TESK2: variants seen among roughly 807,000 people sequenced by gnomAD.
TESK2 encodes dual specificity testis-specific protein kinase 2.
A neutral mutation model predicts 57.1 loss-of-function variants in TESK2; 39 were observed. The observed-to-expected ratio is 0.68, with a 90% confidence interval of 0.53 to 0.89. The LOEUF is 0.89. TESK2 is among the 40% of genes least tolerant of loss of function. TESK2 has a pLI of 0.00. For missense variants in TESK2, 646 were observed against 732.1 expected (o/e 0.88, Z 1.36); for synonymous variants, 249 against 267.9 (o/e 0.93, Z 0.69).
chr1:45,479,424 G>GA (rs950827635), intron 1 of TESK2, among the ~76,000 whole-genome samples: 100 of 149,858 alleles, frequency 6.7e-4, no homozygotes, highest in African/African-American at 2.2e-3. Context: ...ACTGCAGAAA[G>GA]AAAAAAAAAA....
intron 2 of TESK2, among the ~76,000 whole-genome samples, chr1:45,452,787 C>T (rs1210117724): frequency 6.6e-6 from 1 of 151,788 alleles, no homozygotes; most frequent in Non-Finnish European, 1.5e-5. Flanking sequence ...TGCAGTGGCT[C>T]ATGCCTATAA....
At chr1:45,358,468 A>C (rs1647538100) in intron 4 of TESK2, among the ~76,000 whole-genome samples, 1 of 152,074 alleles carries the variant, frequency 6.6e-6, no homozygotes, top group Non-Finnish European at 1.5e-5. Flanking sequence ...ACAGAGAGAG[A>C]CCCAGTCTCA....
chr1:45,473,287 G>A (rs543615356), intron 1 of TESK2, among the ~76,000 whole-genome samples: 147 of 152,140 alleles, frequency 9.7e-4, no homozygotes, highest in Non-Finnish European at 1.7e-3. Context: ...AAGCAGGTAA[G>A]TGGTCAAGGG....
rs576007095 is a variant in TESK2 at position 45,347,926 on chromosome 1, G to T, written c.615C>A (p.Pro205=). The change falls in exon 6 of 11, where the codon CCC becomes CCA. Residue 205 remains proline (P), a synonymous_variant. Coordinates refer to ENST00000372086, the MANE Select transcript of TESK2 (RefSeq NM_007170.3). The stretch of plus-strand genomic sequence containing the variant: ...CCAGTAGGGCTACACACCTGACATC[G>T]GGGATCTTCTCAGCCAGGCCAAAGT... ...VADFGLAEKI[P]DVSMGSEKLA... is the part of the protein sequence containing the mutation. 4 of 1,612,126 alleles carry T rather than the reference G, an allele frequency of 2.5e-6. No homozygotes were observed. Among genetic ancestry groups the T allele is most frequent in the Non-Finnish European group, 3.4e-6 (4 of 1,178,304 alleles).
chr1:45,471,791 C>A (rs903069617), intron 1 of TESK2, among the ~76,000 whole-genome samples: 2 of 151,148 alleles, frequency 1.3e-5, no homozygotes, highest in African/African-American at 4.9e-5. Flanking sequence ...GATAAGTGAC[C>A]ATTTTTTTAG....
chr1:45,430,136 C>A (rs933209527), intron 2 of TESK2, among the ~76,000 whole-genome samples: 1 of 152,146 alleles, frequency 6.6e-6, no homozygotes, highest in Non-Finnish European at 1.5e-5. Flanking sequence ...GCTGAAGACC[C>A]TGAGACCCTA....
intron 4 of TESK2, among the ~76,000 whole-genome samples, chr1:45,380,600 G>A (rs969421233): frequency 6.6e-6 from 1 of 152,144 alleles, no homozygotes; most frequent in African/African-American, 2.4e-5. Flanking sequence ...TTGATTATGA[G>A]TGACAGACAT....
At chr1:45,465,864 T>C (rs1449601763) in intron 1 of TESK2, among the ~76,000 whole-genome samples, 1 of 152,108 alleles carries the variant, frequency 6.6e-6, no homozygotes, top group Non-Finnish European at 1.5e-5. Flanking sequence ...GATGAACAAA[T>C]TATAAGTAGC....
chr1:45,407,691 T>G (rs900130750), intron 3 of TESK2, among the ~76,000 whole-genome samples: 1 of 152,192 alleles, frequency 6.6e-6, no homozygotes, highest in Non-Finnish European at 1.5e-5. Context: ...CCTGCAGCCA[T>G]GTAAGATGTC....
chr1:45,475,558 C>T (rs999986049), intron 1 of TESK2, among the ~76,000 whole-genome samples: 1 of 152,108 alleles, frequency 6.6e-6, no homozygotes, highest in Non-Finnish European at 1.5e-5. Context: ...TATCAGTACA[C>T]AAAGATATAT....
intron 2 of TESK2, among the ~76,000 whole-genome samples, chr1:45,428,402 A>T (rs778794727): frequency 3.9e-5 from 6 of 152,220 alleles, no homozygotes; most frequent in Non-Finnish European, 5.9e-5. Context: ...ATATTCTACC[A>T]AGGGATAATA....
intron 2 of TESK2, among the ~76,000 whole-genome samples, chr1:45,449,236 G>GA (rs1036965363): frequency 1.1e-3 from 152 of 133,946 alleles, no homozygotes; most frequent in African/African-American, 1.9e-3. Context: ...AAAAAAAAAA[G>GA]AAAAAAAAAA....
intron 1 of TESK2, among the ~76,000 whole-genome samples, chr1:45,477,352 A>G (rs1275605768): frequency 6.6e-6 from 1 of 152,174 alleles, no homozygotes; most frequent in Non-Finnish European, 1.5e-5. Context: ...GCTTCCTTTA[A>G]TATTTTTTCC....
chr1:45,455,456 C>T lies in TESK2; in HGVS notation c.222+2108G>A, dbSNP rs532710469. 1.2e-4 allele frequency among the ~76,000 whole-genome samples: 19 copies of T among 152,298 alleles called. 2 individuals carry two copies. Among genetic ancestry groups the T allele is most frequent in the Admixed American group, 9.2e-4 (14 of 15,288 alleles). Reference sequence around the variant, plus strand: ...AAAAAACCTTAGCCCCCATCTCTTACGGGAGATGAATTTGAGGTTTTCCTC... The same window carrying T: ...AAAAAACCTTAGCCCCCATCTCTTATGGGAGATGAATTTGAGGTTTTCCTC... On this transcript the variant is annotated intron_variant, in intron 2 of 10. Transcript: ENST00000372086.
intron 4 of TESK2, among the ~76,000 whole-genome samples, chr1:45,374,837 A>G (rs933124003): frequency 6.6e-6 from 1 of 152,194 alleles, no homozygotes; most frequent in African/African-American, 2.4e-5. Flanking sequence ...TCCCATCTCC[A>G]TTAATGGCAA....
At chr1:45,383,754 C>G (rs1236231693) in intron 4 of TESK2, among the ~76,000 whole-genome samples, 1 of 152,116 alleles carries the variant, frequency 6.6e-6, no homozygotes, top group African/African-American at 2.4e-5. Context: ...AGCGTCAGAA[C>G]TCTGGTAGAC....
intron 7 of TESK2, 81 bp from the exon 8 acceptor site, chr1:45,347,143 C>T (rs368817171): frequency 8.0e-7 from 1 of 1,254,400 alleles, no homozygotes; most frequent in Non-Finnish European, 1.2e-6. Flanking sequence ...CTCCCCTGCA[C>T]CCCACCATCT....
intron 2 of TESK2, among the ~76,000 whole-genome samples, chr1:45,430,490 A>AAAAC (rs750667080): frequency 5.9e-5 from 9 of 152,130 alleles, no homozygotes; most frequent in Non-Finnish European, 1.2e-4. Context: ...GACCCTATCT[A>AAAAC]AAACAAACAA....
chr1:45,347,144 C>T, intron 7 of TESK2, 82 bp from the exon 8 acceptor site: 1 of 1,250,160 alleles, frequency 8.0e-7, no homozygotes, highest in Non-Finnish European at 1.2e-6. Flanking sequence ...TCCCCTGCAC[C>T]CCACCATCTA....
Sources: allele counts gnomAD v4.1 joint callset (sites outside exome capture counted in the v4.1 genomes callset), GRCh38; gene constraint gnomAD v4.1.1; transcripts MANE v1.5; gene names NCBI Gene and HGNC (gene_info 2026-07-23, HGNC 2026-07-21).